Variants in CDK17 observed in about 807,000 individuals in gnomAD.
The protein encoded by CDK17 is cyclin-dependent kinase 17.
In CDK17, 24 loss-of-function variants were observed where a neutral mutation model predicts 77.6. That is an observed-to-expected ratio of 0.31 (90% CI 0.22 to 0.44). The LOEUF is 0.44. Among genes scored for constraint, CDK17 ranks in the 20% least tolerant of loss-of-function variants. CDK17 has a pLI of 1.00. For synonymous variants in CDK17, 203 were observed against 210.4 expected (o/e 0.96, Z 0.30); for missense variants, 429 against 622.5 (o/e 0.69, Z 3.31).
intron 3 of CDK17, among the ~76,000 whole-genome samples, chr12:96,319,255 G>T (rs1457747721): frequency 6.7e-6 from 1 of 150,370 alleles, no homozygotes; most frequent in South Asian, 2.1e-4. Context: ...CCAGGAAGAA[G>T]TTGAATCTCT....
intron 2 of CDK17, among the ~76,000 whole-genome samples, chr12:96,334,515 G>A (rs951678747): frequency 6.6e-6 from 1 of 152,160 alleles, no homozygotes; most frequent in Non-Finnish European, 1.5e-5. Flanking sequence ...TTGAGACCAG[G>A]TATCGTAATG....
intron 1 of CDK17, among the ~76,000 whole-genome samples, chr12:96,349,486 C>T (rs768850919): frequency 6.9e-6 from 1 of 145,384 alleles, no homozygotes; most frequent in Non-Finnish European, 1.5e-5. Context: ...TGTAATACAT[C>T]ACATTAGCAA....
chr12:96,329,570 T>C (rs1009073250), intron 2 of CDK17, among the ~76,000 whole-genome samples: 1 of 152,200 alleles, frequency 6.6e-6, no homozygotes, highest in Non-Finnish European at 1.5e-5. Context: ...TCAAACATTA[T>C]TACTAGCCTG....
chr12:96,286,102 C>A lies in CDK17; in HGVS notation c.1263G>T (p.Glu421Asp). ...ETWPGISSNEEFKNYNFPKYK... is the reference protein window; with the variant it reads ...ETWPGISSNEDFKNYNFPKYK... ...ATTTTGGAAAGTTGTAGTTCTTGAA[C>A]TCCTCATTTGAAGAAATACCTGGCC... is the stretch of plus-strand genomic sequence containing the variant. The change falls in exon 13 of 17, where the codon GAG becomes GAT. Residue 421 changes from glutamate to aspartate, a missense_variant. This residue lies in a region of CDK17 where 115 missense variants were observed against 124.2 expected (regional missense o/e 0.93). Transcript: ENST00000261211. 6.6e-7 allele frequency: 1 copy of A among 1,507,872 alleles called. No individual in the cohort carries two copies. Among genetic ancestry groups the A allele is most frequent in the African/African-American group, 1.4e-5 (1 of 70,618 alleles). The allele number at this position is 1,507,872 out of a possible 1,614,324, so 93.4% of individuals were successfully genotyped here.
intron 1 of CDK17, among the ~76,000 whole-genome samples, chr12:96,362,555 T>C (rs1953510207): frequency 6.6e-6 from 1 of 152,120 alleles, no homozygotes; most frequent in Non-Finnish European, 1.5e-5. Flanking sequence ...GTTTTGAAAA[T>C]AACTATATTA....
intron 6 of CDK17, 94 bp downstream of exon 6, chr12:96,300,209 AC>A (rs753267084): frequency 2.4e-6 from 2 of 823,770 alleles, no homozygotes; most frequent in Non-Finnish European, 2.1e-6. Flanking sequence ...ATCAGTACTT[AC>A]GTTTTTTCCA....
At position 96,311,065 on chromosome 12, in the gene CDK17, C is replaced by A; in HGVS notation, c.530G>T (p.Arg177Leu). 1.3e-6 allele frequency: 2 copies of A among 1,598,370 alleles called. No homozygotes were observed. Among genetic ancestry groups the A allele is most frequent in the Non-Finnish European group, 1.7e-6 (2 of 1,175,498 alleles). ...PFDQPMSRRSRRASLSEIGFG... is the reference protein window; with the variant it reads ...PFDQPMSRRSLRASLSEIGFG... ...CCAAAAACTTACTAAGGAAGCTCTA[C>A]GAGACCTTCGACTCATTGGTTGGTC... Residue 177 changes from arginine (R) to leucine (L), a missense_variant, in exon 5 of 17, where the codon CGT becomes CTT. Physicochemically the swap from Arg to Leu is moderately radical, Grantham distance 102. Coordinates refer to ENST00000261211, the MANE Select transcript of CDK17 (RefSeq NM_002595.5).
In CDK17 at chr12:96,295,087, A is replaced by G. The variant is rs528370481; in HGVS notation, c.909T>C (p.Tyr303=). ...FLYQILRGLA[Y]CHRRKVLHRD... is the part of the protein sequence containing the mutation. ...GATGCAATACCTTTCTTCTATGGCA[A>G]TATGCCAAACCACGTAGAATTTGGT... The change falls in exon 10 of 17, where the codon TAT becomes TAC. Residue 303 remains tyrosine, a synonymous_variant. Transcript: ENST00000261211. 1.6e-4 allele frequency: 251 copies of G among 1,611,240 alleles called. 2 individuals carry two copies. The South Asian group carries it at 2.6e-3, about 17-fold the overall frequency.
chr12:96,300,194 T>C, intron 6 of CDK17, 110 bp downstream of exon 6: 1 of 744,536 alleles, frequency 1.3e-6, no homozygotes. Context: ...TATAATCTTG[T>C]AGACATCAGT....
At chr12:96,336,589 C>G (rs1953043867) in intron 1 of CDK17, among the ~76,000 whole-genome samples, 1 of 152,192 alleles carries the variant, frequency 6.6e-6, no homozygotes, top group Admixed American at 6.5e-5. Flanking sequence ...CACCCACATG[C>G]TCTAAAATAA....
intron 14 of CDK17, 44 bp from the exon 15 acceptor site, chr12:96,282,643 T>C (rs1283699474): frequency 7.5e-7 from 1 of 1,336,102 alleles, no homozygotes; most frequent in South Asian, 1.2e-5. Flanking sequence ...TTTCTCTAAT[T>C]ACTGCAAAAA....
At position 96,391,781 on chromosome 12, in the gene CDK17, G is replaced by A. The variant is rs558424227; in HGVS notation, c.-30+8205C>T. Among the ~76,000 whole-genome samples, 43 of 152,236 alleles carry A rather than the reference G, an allele frequency of 2.8e-4. 1 individual carries two copies. The highest frequency in any genetic ancestry group is 9.9e-4 in the African/African-American group (41 of 41,540). ...ACTAACAAGTTAGTACAGCTCACATGCAATTAAACAGTCTCAATAATGCCA... is the reference window on the plus strand; with the variant it reads ...ACTAACAAGTTAGTACAGCTCACATACAATTAAACAGTCTCAATAATGCCA... On this transcript the variant is annotated intron_variant, in intron 1 of 16. Coordinates refer to ENST00000261211, the MANE Select transcript of CDK17 (RefSeq NM_002595.5).
At chr12:96,367,970 T>C (rs1322811416) in intron 1 of CDK17, among the ~76,000 whole-genome samples, 3 of 152,112 alleles carry the variant, frequency 2.0e-5, no homozygotes, top group Non-Finnish European at 4.4e-5. Context: ...CAAAAAACAC[T>C]GGTCTGCCAT....
At chr12:96,347,409 C>A (rs1287786699) in intron 1 of CDK17, among the ~76,000 whole-genome samples, 1 of 151,388 alleles carries the variant, frequency 6.6e-6, no homozygotes, top group East Asian at 1.9e-4. Flanking sequence ...ACTAAAAATA[C>A]AAAAGAAGCT....
chr12:96,354,966 G>C (rs1223206460), intron 1 of CDK17, among the ~76,000 whole-genome samples: 1 of 151,988 alleles, frequency 6.6e-6, no homozygotes, highest in African/African-American at 2.4e-5. Flanking sequence ...ACTGCCCATA[G>C]TGTATTTCTA....
chr12:96,380,345 G>A (rs1953860440), intron 1 of CDK17, among the ~76,000 whole-genome samples: 1 of 147,574 alleles, frequency 6.8e-6, no homozygotes. Flanking sequence ...GCAATGGTGC[G>A]ATCTCAGCTC....
At chr12:96,364,181 T>C (rs1953545754) in intron 1 of CDK17, among the ~76,000 whole-genome samples, 1 of 152,228 alleles carries the variant, frequency 6.6e-6, no homozygotes, top group Admixed American at 6.5e-5. Context: ...CATTGGGTTG[T>C]TTTCAGTTTT....
chr12:96,324,433 C>T (rs1225295858), intron 2 of CDK17, among the ~76,000 whole-genome samples: 1 of 152,080 alleles, frequency 6.6e-6, no homozygotes, highest in Non-Finnish European at 1.5e-5. Context: ...AGATTGTTTC[C>T]ATACCACTCC....
chr12:96,299,596 G>A (rs1375309117), intron 6 of CDK17, among the ~76,000 whole-genome samples: 1 of 151,906 alleles, frequency 6.6e-6, no homozygotes, highest in Non-Finnish European at 1.5e-5. Context: ...TCACCATGTT[G>A]GCCAGGCTGG....
Sources: allele counts gnomAD v4.1 joint callset (sites outside exome capture counted in the v4.1 genomes callset), GRCh38; gene constraint gnomAD v4.1.1; regional missense constraint gnomAD v4.1.1; transcripts MANE v1.5; gene names NCBI Gene and HGNC (gene_info 2026-07-23, HGNC 2026-07-21).